Variants in ZNF385B observed in about 807,000 individuals in gnomAD.
ZNF385B encodes zinc finger protein 533.
In ZNF385B, 23 loss-of-function variants were observed where a neutral mutation model predicts 39.2. That is an observed-to-expected ratio of 0.59 (90% confidence interval 0.42 to 0.83). ZNF385B has a LOEUF of 0.83. Among genes scored for constraint, ZNF385B ranks in the 40% least tolerant of loss-of-function variants. The pLI, the probability that ZNF385B is intolerant of heterozygous loss-of-function variation, is 0.00. For missense variants in ZNF385B, 552 were observed against 598.9 expected (o/e 0.92, Z 0.82); for synonymous variants, 205 against 222.6 (o/e 0.92, Z 0.70).
chr2:179,487,239 C>T (rs1463546196), intron 5 of ZNF385B, among the ~76,000 whole-genome samples: 1 of 152,252 alleles, frequency 6.6e-6, no homozygotes, highest in African/African-American at 2.4e-5. Context: ...AGCCATGATC[C>T]ACTTCTGCTT....
intron 3 of ZNF385B, among the ~76,000 whole-genome samples, 167 bp downstream of exon 3, chr2:179,769,336 C>T (rs1006024905): frequency 2.6e-5 from 4 of 152,082 alleles, no homozygotes; most frequent in African/African-American, 4.8e-5. Flanking sequence ...ACAAATATTT[C>T]GAGAGGTGAC....
In ZNF385B at chr2:179,474,421, C is replaced by T. The variant is rs186341437; in HGVS notation, c.715+8851G>A. On this transcript the variant is annotated intron_variant, in intron 6 of 9. Coordinates refer to ENST00000410066, the MANE Select transcript of ZNF385B (RefSeq NM_152520.6). ...TAGTAGTAACATAATTAGTATGTTACTTAACATTACTTTTAATGGCAAAAA... is the reference window on the plus strand; with the variant it reads ...TAGTAGTAACATAATTAGTATGTTATTTAACATTACTTTTAATGGCAAAAA... 2.2e-3 allele frequency among the ~76,000 whole-genome samples: 340 copies of T among 152,154 alleles called. 2 individuals carry two copies. The highest frequency in any genetic ancestry group is 6.5e-3 in the Admixed American group (100 of 15,276).
At chr2:179,636,889 CTTATT>C (rs1412426529) in intron 3 of ZNF385B, among the ~76,000 whole-genome samples, 1 of 152,044 alleles carries the variant, frequency 6.6e-6, no homozygotes, top group African/African-American at 2.4e-5. Flanking sequence ...TAGTTTTTTT[CTTATT>C]GCATTGGTGG....
chr2:179,780,115 C>T (rs1037057971), intron 1 of ZNF385B, among the ~76,000 whole-genome samples: 4 of 152,114 alleles, frequency 2.6e-5, no homozygotes, highest in African/African-American at 9.6e-5. Flanking sequence ...TAAAGATTGC[C>T]GCTATTTGAG....
chr2:179,711,870 A>G (rs921332683), intron 3 of ZNF385B, among the ~76,000 whole-genome samples: 1 of 149,016 alleles, frequency 6.7e-6, no homozygotes, highest in African/African-American at 2.5e-5. Context: ...CAAAAATGCT[A>G]TATAAACTGC....
intron 1 of ZNF385B, among the ~76,000 whole-genome samples, chr2:179,777,926 C>T (rs189624376): frequency 1.3e-5 from 2 of 152,040 alleles, no homozygotes; most frequent in African/African-American, 4.8e-5. Flanking sequence ...GCATGTGCCA[C>T]CATGCCCGGC....
chr2:179,530,982 C>T (rs2105857761), intron 4 of ZNF385B, among the ~76,000 whole-genome samples: 1 of 152,200 alleles, frequency 6.6e-6, no homozygotes, highest in Admixed American at 6.5e-5. Flanking sequence ...CCCAGAACCT[C>T]CCCACCCACC....
chr2:179,573,917 A>G (rs1685518076), intron 3 of ZNF385B, among the ~76,000 whole-genome samples: 1 of 152,188 alleles, frequency 6.6e-6, no homozygotes, highest in East Asian at 1.9e-4. Flanking sequence ...TGCCATAAAA[A>G]TAAGGTTAAT....
At chr2:179,720,051 T>G (rs1700581784) in intron 3 of ZNF385B, among the ~76,000 whole-genome samples, 1 of 152,172 alleles carries the variant, frequency 6.6e-6, no homozygotes, top group African/African-American at 2.4e-5. Context: ...TAAACAGTAT[T>G]GAACAGAGCT....
chr2:179,707,368 A>G (rs17496658), intron 3 of ZNF385B, among the ~76,000 whole-genome samples: 21,793 of 152,238 alleles, frequency 0.14, 2,049 homozygotes, highest in East Asian at 0.5. Context: ...TATGATGCCA[A>G]TAATGAGGAC....
chr2:179,461,809 A>T (rs1330784904), intron 6 of ZNF385B, among the ~76,000 whole-genome samples: 1 of 152,224 alleles, frequency 6.6e-6, no homozygotes, highest in Non-Finnish European at 1.5e-5. Context: ...GTAAGCTCAG[A>T]TAATGAGGCC....
chr2:179,474,670 C>A (rs531407185), intron 6 of ZNF385B, among the ~76,000 whole-genome samples: 4 of 152,192 alleles, frequency 2.6e-5, no homozygotes, highest in African/African-American at 4.8e-5. Context: ...GCATATAAGT[C>A]TAACAAACTT....
intron 5 of ZNF385B, among the ~76,000 whole-genome samples, chr2:179,500,162 T>C (rs2056624419): frequency 6.6e-6 from 1 of 152,076 alleles, no homozygotes; most frequent in South Asian, 2.1e-4. Flanking sequence ...ATATTCCATG[T>C]TCATGGATTG....
intron 3 of ZNF385B, among the ~76,000 whole-genome samples, chr2:179,729,778 C>T (rs1292405762): frequency 6.6e-6 from 1 of 152,098 alleles, no homozygotes; most frequent in Non-Finnish European, 1.5e-5. Flanking sequence ...GGGGGCGGTT[C>T]CCCCAAGCTG....
chr2:179,613,925 C>G (rs1009898408), intron 3 of ZNF385B, among the ~76,000 whole-genome samples: 2 of 152,164 alleles, frequency 1.3e-5, no homozygotes, highest in African/African-American at 4.8e-5. Flanking sequence ...CTGGCTAGGG[C>G]TGGTCTAAAC....
rs571069510 is a variant in ZNF385B at position 179,610,873 on chromosome 2, T to G, written c.299-65904A>C. ...TTTTGGCATATAGAAGTGCTACTAA[T>G]TTTTGTATGTTGATTTTGTATCCTG... On this transcript the variant is annotated intron_variant, in intron 3 of 9. Coordinates refer to ENST00000410066, the MANE Select transcript of ZNF385B (RefSeq NM_152520.6). Among the ~76,000 whole-genome samples the G allele has an allele frequency of 6.4e-4, 97 of 152,316 alleles. 1 individual carries two copies. Among genetic ancestry groups the G allele is most frequent in the African/African-American group, 2.2e-3 (93 of 41,586 alleles).
intron 6 of ZNF385B, among the ~76,000 whole-genome samples, chr2:179,482,976 T>C (rs2054161806): frequency 6.6e-6 from 1 of 151,742 alleles, no homozygotes; most frequent in Non-Finnish European, 1.5e-5. Context: ...GATTTTAGTC[T>C]GAACACATTG....
At chr2:179,549,207 A>G (rs377041360) in intron 3 of ZNF385B, among the ~76,000 whole-genome samples, 3 of 149,452 alleles carry the variant, frequency 2.0e-5, no homozygotes, top group South Asian at 4.3e-4. Context: ...TTGCTTATCC[A>G]TTCATCAATT....
intron 3 of ZNF385B, among the ~76,000 whole-genome samples, chr2:179,706,312 T>G (rs1416674759): frequency 6.6e-6 from 1 of 152,166 alleles, no homozygotes; most frequent in East Asian, 1.9e-4. Flanking sequence ...GCGGTAGCAG[T>G]TCTCCTGTCC....
Sources: gnomAD v4.1 joint callset for allele counts (sites outside exome capture counted in the v4.1 genomes callset) on GRCh38, gnomAD v4.1.1 for gene constraint, MANE v1.5 for transcripts, NCBI Gene and HGNC (gene_info 2026-07-23, HGNC 2026-07-21) for gene names.